PCDH15: variants seen among roughly 807,000 people sequenced by gnomAD.
PCDH15 encodes protocadherin-15.
In PCDH15, 129 loss-of-function variants were observed where a neutral mutation model predicts 178.5. The observed-to-expected ratio is 0.72, with a 90% CI of 0.63 to 0.84. The LOEUF (loss-of-function observed/expected upper bound fraction) is 0.84. Among genes scored for constraint, PCDH15 ranks in the 40% least tolerant of loss-of-function variants. The pLI is 0.00. For missense variants in PCDH15, 2,230 were observed against 2,099.9 expected (o/e 1.06, Z -1.21); for synonymous variants, 800 against 732.0 (o/e 1.09, Z -1.50).
intron 26 of PCDH15, among the ~76,000 whole-genome samples, chr10:53,870,791 C>T (rs1262208597): frequency 6.6e-6 from 1 of 152,106 alleles, no homozygotes; most frequent in Non-Finnish European, 1.5e-5. Flanking sequence ...ACCAAATGTT[C>T]TTTCTATAAA....
At chr10:54,128,391 G>A (rs16905582) in intron 15 of PCDH15, among the ~76,000 whole-genome samples, 4,349 of 152,072 alleles carry the variant, frequency 0.029, 224 homozygotes, top group African/African-American at 0.098. Flanking sequence ...ATCTTCAAGG[G>A]GACAGTTGAT....
At chr10:55,493,256 TA>T (rs879382986) in intron 2 of PCDH15, among the ~76,000 whole-genome samples, 396 of 140,660 alleles carry the variant, frequency 2.8e-3, no homozygotes, top group Middle Eastern at 7.1e-3. Context: ...GTCATATTGT[TA>T]AAAAAAAAAA....
At chr10:54,226,779 C>T (rs186630210) in intron 9 of PCDH15, among the ~76,000 whole-genome samples, 240 of 152,226 alleles carry the variant, frequency 1.6e-3, no homozygotes, top group Middle Eastern at 3.4e-3. Context: ...AGTGGGGATA[C>T]GGGCATTGGA....
chr10:55,396,909 G>A (rs1837943880), intron 2 of PCDH15, among the ~76,000 whole-genome samples: 1 of 152,138 alleles, frequency 6.6e-6, no homozygotes, highest in Non-Finnish European at 1.5e-5. Context: ...GGGGAAAAAA[G>A]CCTACAATTT....
intron 2 of PCDH15, among the ~76,000 whole-genome samples, chr10:55,456,905 G>A (rs1360902544): frequency 6.6e-6 from 1 of 151,958 alleles, no homozygotes; most frequent in African/African-American, 2.4e-5. Context: ...CATTCTTCCT[G>A]AGCAAATTAT....
chr10:55,152,348 C>T (rs1008307653), intron 2 of PCDH15, among the ~76,000 whole-genome samples: 2 of 139,760 alleles, frequency 1.4e-5, no homozygotes, highest in African/African-American at 5.2e-5. Flanking sequence ...GGCAAATTAC[C>T]AAAAAAAAAT....
At chr10:54,624,556 T>C (rs1156286446) in intron 2 of PCDH15, among the ~76,000 whole-genome samples, 1 of 152,190 alleles carries the variant, frequency 6.6e-6, no homozygotes, top group East Asian at 1.9e-4. Context: ...GTTTAAATGC[T>C]GGAATATGCT....
chr10:54,169,802 G>A (rs2046682030), intron 13 of PCDH15, among the ~76,000 whole-genome samples: 1 of 152,064 alleles, frequency 6.6e-6, no homozygotes, highest in East Asian at 1.9e-4. Context: ...GCCTGCTACA[G>A]CATGGCCTTT....
At chr10:55,582,668 T>C (rs1842647843) in intron 2 of PCDH15, among the ~76,000 whole-genome samples, 1 of 140,520 alleles carries the variant, frequency 7.1e-6, no homozygotes, top group South Asian at 2.3e-4. Context: ...CTAGCCTTAA[T>C]AAGAAAGGGA....
At chr10:54,555,833 G>A (rs888446539) in intron 2 of PCDH15, among the ~76,000 whole-genome samples, 2 of 151,582 alleles carry the variant, frequency 1.3e-5, no homozygotes, top group South Asian at 2.1e-4. Flanking sequence ...GGACTATGGA[G>A]TACAAGGAGC....
chr10:53,824,057 C>T (rs1588948555), intron 32 of PCDH15, among the ~76,000 whole-genome samples: 1 of 151,848 alleles, frequency 6.6e-6, no homozygotes, highest in African/African-American at 2.4e-5. Context: ...ATAAATAGTA[C>T]CAATCAGAAA....
chr10:54,683,152 T>C (rs1384893559), intron 1 of PCDH15, among the ~76,000 whole-genome samples: 4 of 152,140 alleles, frequency 2.6e-5, no homozygotes, highest in African/African-American at 9.6e-5. Flanking sequence ...TTTTAATTTT[T>C]TTCATTTAAA....
intron 1 of PCDH15, among the ~76,000 whole-genome samples, chr10:55,180,915 T>C (rs927668766): frequency 1.3e-5 from 2 of 152,030 alleles, no homozygotes; most frequent in East Asian, 1.9e-4. Flanking sequence ...TTGGCTGTCA[T>C]GTTCCTAGAG....
intron 2 of PCDH15, among the ~76,000 whole-genome samples, chr10:55,413,712 A>C (rs1357682454): frequency 6.6e-6 from 1 of 151,744 alleles, no homozygotes; most frequent in Non-Finnish European, 1.5e-5. Context: ...TCAGGTTAAA[A>C]TGTGTCTTTA....
chr10:54,076,456 TTCTC>T lies in PCDH15; in HGVS notation c.2091+2871_2091+2874del, dbSNP rs1457706444. On this transcript the variant is annotated intron_variant, in intron 17 of 37. Transcript: ENST00000644397. ...ACTTCTTCCTTTTCAAATTGGATCT[TTCTC>T]TCTTTCTCTCTCTCTCTTTTCTTTC... Among the ~76,000 whole-genome samples the T allele has an allele frequency of 3.9e-5, 6 of 152,202 alleles. No homozygotes were observed. The East Asian group carries it at 9.6e-4, about 24-fold the overall frequency.
At chr10:54,618,774 A>T (rs2093265070) in intron 2 of PCDH15, among the ~76,000 whole-genome samples, 1 of 152,108 alleles carries the variant, frequency 6.6e-6, no homozygotes, top group African/African-American at 2.4e-5. Flanking sequence ...TTACAAAAGT[A>T]TGTGCCTTAA....
chr10:55,023,963 A>G (rs1240811329), intron 2 of PCDH15, among the ~76,000 whole-genome samples: 1 of 149,478 alleles, frequency 6.7e-6, no homozygotes, highest in Non-Finnish European at 1.5e-5. Flanking sequence ...AATCAGAGAA[A>G]GAGATTTTAT....
At chr10:53,899,578 T>C (rs2082188806) in intron 26 of PCDH15, among the ~76,000 whole-genome samples, 1 of 152,166 alleles carries the variant, frequency 6.6e-6, no homozygotes, top group African/African-American at 2.4e-5. Flanking sequence ...CGTTATATCA[T>C]GGACCAAAAA....
chr10:53,841,947 G>GAAA (rs539058922), intron 28 of PCDH15, among the ~76,000 whole-genome samples: 5 of 100,890 alleles, frequency 5.0e-5, no homozygotes, highest in East Asian at 2.6e-4. Context: ...TCTCCAAAGG[G>GAAA]AAAAAAAAAA....
Sources: gnomAD v4.1 joint callset for allele counts (sites outside exome capture counted in the v4.1 genomes callset) on GRCh38, gnomAD v4.1.1 for gene constraint, MANE v1.5 for transcripts, NCBI Gene and HGNC (gene_info 2026-07-23, HGNC 2026-07-21) for gene names.